Variants in PAPPA observed in about 807,000 individuals in gnomAD.
PAPPA encodes the protein pappalysin 1.
In PAPPA, 60 loss-of-function variants were observed where a neutral mutation model predicts 164.0. The ratio of observed to expected loss-of-function variants is 0.37; its 90% CI spans 0.30 to 0.45. PAPPA has a LOEUF of 0.45. Among genes scored for constraint, PAPPA ranks in the 20% least tolerant of loss-of-function variants. The pLI, the probability that PAPPA is intolerant of heterozygous loss-of-function variation, is 1.00. For missense variants in PAPPA, 1,782 were observed against 2,087.3 expected (o/e 0.85, Z 2.85); for synonymous variants, 875 against 814.1 (o/e 1.07, Z -1.27).
chr9:116,210,807 A>G (rs1356624035), intron 3 of PAPPA, among the ~76,000 whole-genome samples: 1 of 152,164 alleles, frequency 6.6e-6, no homozygotes, highest in Non-Finnish European at 1.5e-5. Flanking sequence ...GAGGCCCGAG[A>G]TTCTGCATTT....
At chr9:116,380,315 C>T (rs571159039) in intron 20 of PAPPA, among the ~76,000 whole-genome samples, 22 of 127,092 alleles carry the variant, frequency 1.7e-4, no homozygotes, top group Non-Finnish European at 3.0e-4. Context: ...GATGGATGGA[C>T]GGATGGATGG....
At chr9:116,346,169 C>T (rs965388658) in intron 14 of PAPPA, among the ~76,000 whole-genome samples, 6 of 152,140 alleles carry the variant, frequency 3.9e-5, no homozygotes, top group African/African-American at 1.4e-4. Flanking sequence ...CAACGTTTGG[C>T]ATCTCCAGTC....
intron 2 of PAPPA, among the ~76,000 whole-genome samples, chr9:116,192,730 A>G (rs1042853085): frequency 2.6e-5 from 4 of 152,246 alleles, no homozygotes; most frequent in Admixed American, 6.5e-5. Context: ...CATTCTCTAC[A>G]GTGGTGGAGA....
chr9:116,164,665 G>A (rs534690463), intron 1 of PAPPA, among the ~76,000 whole-genome samples: 8 of 152,284 alleles, frequency 5.3e-5, no homozygotes, highest in African/African-American at 1.4e-4. Context: ...TGCCTGTCCC[G>A]TATCCATTCC....
intron 10 of PAPPA, among the ~76,000 whole-genome samples, chr9:116,313,210 G>A (rs1845745289): frequency 6.6e-6 from 1 of 152,112 alleles, no homozygotes; most frequent in African/African-American, 2.4e-5. Context: ...GGAGAAATGG[G>A]CCCAGAGAGG....
At chr9:116,174,089 GATA>G (rs1843803499) in intron 1 of PAPPA, among the ~76,000 whole-genome samples, 1 of 152,148 alleles carries the variant, frequency 6.6e-6, no homozygotes, top group Non-Finnish European at 1.5e-5. Flanking sequence ...GTAAAATGGT[GATA>G]ATAATAATAT....
intron 21 of PAPPA, among the ~76,000 whole-genome samples, chr9:116,393,386 G>A (rs1846919767): frequency 6.6e-6 from 1 of 152,182 alleles, no homozygotes; most frequent in Non-Finnish European, 1.5e-5. Flanking sequence ...CTGTAAAAGT[G>A]GAGGCTCCCT....
chr9:116,386,910 T>TTTTG (rs1183728522), intron 21 of PAPPA, among the ~76,000 whole-genome samples: 1 of 152,116 alleles, frequency 6.6e-6, no homozygotes, highest in African/African-American at 2.4e-5. Context: ...AAGTTCTGGT[T>TTTTG]TTTGTTTCCA....
intron 3 of PAPPA, among the ~76,000 whole-genome samples, chr9:116,209,503 C>T (rs1381932933): frequency 1.3e-5 from 2 of 152,124 alleles, no homozygotes; most frequent in Admixed American, 6.6e-5. Context: ...CCTGATAATT[C>T]CATAAATTTC....
intron 7 of PAPPA, among the ~76,000 whole-genome samples, chr9:116,239,564 T>C (rs1247401049): frequency 6.6e-6 from 1 of 152,216 alleles, no homozygotes; most frequent in Non-Finnish European, 1.5e-5. Flanking sequence ...TATGCCCTAC[T>C]GAAATGTGGA....
rs1288303869 is a variant in PAPPA at position 116,402,215 on chromosome 9, T to C, written c.*5599T>C. ...TGTTTTCTCTGATCTCAATTACAGG[T>C]TGGATCTCACAAATAATAATGTCAG... On this transcript the variant is annotated 3_prime_UTR_variant, in exon 22 of 22. Transcript: ENST00000328252. 1 of 152,638 alleles carries C rather than the reference T, an allele frequency of 6.6e-6. No homozygotes were observed. The highest frequency in any genetic ancestry group is 1.5e-5 in the Non-Finnish European group (1 of 68,042). 9.5% of individuals were successfully genotyped at this position (152,638 alleles called of 1,614,324 possible).
chr9:116,254,025 T>C (rs1458764181), intron 7 of PAPPA, among the ~76,000 whole-genome samples: 4 of 152,352 alleles, frequency 2.6e-5, no homozygotes, highest in Admixed American at 2.6e-4. Flanking sequence ...AGTCCTTTCC[T>C]CTTTCTCCTG....
chr9:116,288,300 C>T (rs567127022), intron 9 of PAPPA, among the ~76,000 whole-genome samples: 75 of 152,156 alleles, frequency 4.9e-4, no homozygotes, highest in East Asian at 1.7e-3. Flanking sequence ...ACCCGAGAGG[C>T]AGAGGTTGCA....
chr9:116,187,183 C>T lies in PAPPA; in HGVS notation c.445C>T (p.Arg149Cys), dbSNP rs760690741. ...GLYDKCSYIS[R>C]DRGWVVGIHT... Reference sequence around the variant, plus strand: ...GTATGACAAATGTTCTTATATCTCACGTGACCGAGGATGGGTCGTGGGCAT... The same window carrying T: ...GTATGACAAATGTTCTTATATCTCATGTGACCGAGGATGGGTCGTGGGCAT... The change falls in exon 2 of 22, where the codon CGT becomes TGT. Residue 149 changes from arginine to cysteine, a missense_variant. By Grantham distance (180) the Arg-to-Cys change is radical (BLOSUM62 -3). This residue lies in a region of PAPPA where 458 missense variants were observed against 430.3 expected (regional missense o/e 1.06). Coordinates refer to ENST00000328252, the MANE Select transcript of PAPPA (RefSeq NM_002581.5). The surrounding 1 kb of genome is among the most constrained non-coding windows in gnomAD (Gnocchi z 4.2). The T allele has an allele frequency of 2.2e-5, 35 of 1,613,742 alleles. No homozygotes were observed. Among genetic ancestry groups the T allele is most frequent in the African/African-American group, 1.5e-4 (11 of 74,882 alleles).
intron 1 of PAPPA, among the ~76,000 whole-genome samples, chr9:116,174,027 A>G (rs1843802717): frequency 6.6e-6 from 1 of 152,144 alleles, no homozygotes; most frequent in African/African-American, 2.4e-5. Context: ...CCAACAGGTT[A>G]CTCAGGCTTA....
chr9:116,203,319 C>T (rs1177609053), intron 2 of PAPPA, among the ~76,000 whole-genome samples: 2 of 152,182 alleles, frequency 1.3e-5, no homozygotes, highest in African/African-American at 2.4e-5. Flanking sequence ...CCTTGCTCAT[C>T]CTGTTTTGAA....
intron 1 of PAPPA, among the ~76,000 whole-genome samples, chr9:116,175,395 A>G (rs1843822450): frequency 6.6e-6 from 1 of 152,186 alleles, no homozygotes; most frequent in Non-Finnish European, 1.5e-5. Flanking sequence ...CTCACCACAA[A>G]AATTCTAATA....
intron 6 of PAPPA, among the ~76,000 whole-genome samples, chr9:116,230,600 T>C (rs1564192162): frequency 6.6e-6 from 1 of 152,232 alleles, no homozygotes; most frequent in Non-Finnish European, 1.5e-5. Context: ...TCTTTTCATA[T>C]AATCCCATAT....
chr9:116,324,442 C>A (rs1262508467), intron 10 of PAPPA, among the ~76,000 whole-genome samples: 1 of 152,130 alleles, frequency 6.6e-6, no homozygotes, highest in Non-Finnish European at 1.5e-5. Flanking sequence ...GCTGCTGTTG[C>A]CTGCTGGGCC....
Sources: allele counts gnomAD v4.1 joint callset (sites outside exome capture counted in the v4.1 genomes callset), GRCh38; gene constraint gnomAD v4.1.1; regional missense constraint gnomAD v4.1.1; non-coding constraint Gnocchi (gnomAD v3.1); transcripts MANE v1.5; gene names NCBI Gene and HGNC (gene_info 2026-07-23, HGNC 2026-07-21).